Variants in DNAH5 observed in about 807,000 individuals in gnomAD.
The protein encoded by DNAH5 is axonemal beta dynein heavy chain 5.
Under a neutral mutation model 518.2 loss-of-function variants are expected in DNAH5, and 372 were observed. The ratio of observed to expected loss-of-function variants is 0.72; its 90% CI spans 0.66 to 0.78. The LOEUF (loss-of-function observed/expected upper bound fraction) is 0.78, where lower values mean the gene tolerates loss of function less well. Ranked by LOEUF, DNAH5 falls within the 30% of genes least tolerant of loss-of-function variation. The pLI is 0.00. For synonymous variants in DNAH5, 2,039 were observed against 2,025.9 expected, an observed-to-expected ratio of 1.01 and a Z score of -0.17; for missense variants, 5,523 against 5,687.0, an observed-to-expected ratio of 0.97 and a Z score of 0.93.
At chr5:13,892,922 G>A (rs1388035623) in intron 16 of DNAH5, among the ~76,000 whole-genome samples, 1 of 152,014 alleles carries the variant, frequency 6.6e-6, no homozygotes, top group Non-Finnish European at 1.5e-5. Flanking sequence ...AGCATCTCTG[G>A]CTTGATATTC....
chr5:13,872,888 TAAAA>T (rs530243596), intron 22 of DNAH5, among the ~76,000 whole-genome samples: 21 of 146,556 alleles, frequency 1.4e-4, no homozygotes, highest in African/African-American at 5.3e-4. Flanking sequence ...AAGTTAGTGC[TAAAA>T]AAAAAAGTGT....
At chr5:13,732,295 A>G (rs1746695748) in intron 68 of DNAH5, among the ~76,000 whole-genome samples, 1 of 152,092 alleles carries the variant, frequency 6.6e-6, no homozygotes, top group Non-Finnish European at 1.5e-5. Flanking sequence ...GTCTGGTGAG[A>G]GCTCACTTCT....
chr5:13,879,363 C>G (rs563924319), intron 21 of DNAH5, among the ~76,000 whole-genome samples: 2 of 152,174 alleles, frequency 1.3e-5, no homozygotes, highest in East Asian at 3.9e-4. Flanking sequence ...TATCCTAAGT[C>G]AATAATGCAC....
At chr5:13,750,127 C>A (rs889897362) in intron 65 of DNAH5, among the ~76,000 whole-genome samples, 6 of 152,004 alleles carry the variant, frequency 3.9e-5, no homozygotes, top group Admixed American at 6.6e-5. Flanking sequence ...AGGGCTCAGA[C>A]GGGCAAGCAC....
intron 1 of DNAH5, among the ~76,000 whole-genome samples, chr5:13,952,585 A>G (rs563956923): frequency 4.6e-5 from 7 of 152,282 alleles, no homozygotes; most frequent in South Asian, 2.1e-4. Context: ...CTTACCCATG[A>G]CTGTATTTCT....
At chr5:14,000,850 C>T (rs891750536) in intron 1 of DNAH5, among the ~76,000 whole-genome samples, 1 of 152,170 alleles carries the variant, frequency 6.6e-6, no homozygotes, top group African/African-American at 2.4e-5. Flanking sequence ...CTGGTATGTT[C>T]ATTGCAGCAC....
chr5:13,714,610 G>A lies in DNAH5; in HGVS notation c.12920C>T (p.Ala4307Val). Reference protein sequence around the residue: ...NYLQYIQSLPAYDSPEVFGLH... With the variant: ...NYLQYIQSLPVYDSPEVFGLH... The stretch of plus-strand genomic sequence containing the variant: ...CCCAAACACCTCAGGGCTGTCATAG[G>A]CAGGCAAACTCTGAACAACAGACAC... Residue 4307 changes from alanine (A) to valine (V), a missense_variant, in exon 75 of 79, where the codon GCC becomes GTC. Around this residue, in one of 3 missense-constraint regions of DNAH5, gnomAD observed 387 missense variants for 430.0 expected, o/e 0.90. Transcript: ENST00000265104. 6.2e-7 allele frequency: 1 copy of A among 1,613,956 alleles called. No homozygotes were observed. Among genetic ancestry groups the A allele is most frequent in the Non-Finnish European group, 8.5e-7 (1 of 1,179,996 alleles).
At chr5:13,904,512 T>C (rs1430371386) in intron 12 of DNAH5, among the ~76,000 whole-genome samples, 3 of 150,274 alleles carry the variant, frequency 2.0e-5, no homozygotes, top group African/African-American at 7.3e-5. Context: ...TGATTTTATA[T>C]ATATGGATTC....
At chr5:13,731,148 C>T (rs1458562298) in intron 68 of DNAH5, among the ~76,000 whole-genome samples, 1 of 152,182 alleles carries the variant, frequency 6.6e-6, no homozygotes, top group Non-Finnish European at 1.5e-5. Context: ...ATGTACACTA[C>T]TAAATTGTTA....
chr5:13,932,126 AC>A (rs1778489019), intron 1 of DNAH5: 1 of 152,244 alleles, frequency 6.6e-6, no homozygotes, highest in Admixed American at 6.5e-5. Flanking sequence ...CATTTGTTAA[AC>A]CCCTAATATG....
chr5:13,834,110 C>A (rs963460250), intron 35 of DNAH5, among the ~76,000 whole-genome samples: 1 of 152,204 alleles, frequency 6.6e-6, no homozygotes, highest in Admixed American at 6.5e-5. Context: ...TCACTTCCCA[C>A]ATAATCAAGT....
rs754497052 is a variant in DNAH5 at position 13,754,343 on chromosome 5, C to A, written c.10420-5G>T. 1.1e-5 allele frequency: 17 copies of A among 1,613,900 alleles called. No individual in the cohort carries two copies. In the African/African-American group the frequency reaches 2.1e-4, roughly 20 times the overall value. The stretch of plus-strand genomic sequence containing the variant: ...CTCTGCATCTTCAAGCAAGGTCTAA[C>A]AAAGGTCATAATCACAAGAAAGCTT... On this transcript the variant is annotated splice_polypyrimidine_tract_variant and splice_region_variant and intron_variant, in intron 61 of 78. Coordinates refer to ENST00000265104, the MANE Select transcript of DNAH5 (RefSeq NM_001369.3).
At position 13,832,046 on chromosome 5, in the gene DNAH5, G is replaced by A. The variant is rs1580471294; in HGVS notation, c.5883-1271C>T. Among the ~76,000 whole-genome samples, 3 of 152,160 alleles carry A rather than the reference G, an allele frequency of 2.0e-5. No individual in the cohort carries two copies. The South Asian group carries it at 6.2e-4, about 32-fold the overall frequency. On this transcript the variant is annotated intron_variant, in intron 35 of 78. Transcript: ENST00000265104. ...AAGAAAAATAACTAATGGGCACTAG[G>A]CTTGATACCTGGGCAATGAAATAAT...
intron 1 of DNAH5, among the ~76,000 whole-genome samples, chr5:13,989,028 A>T (rs1234020155): frequency 1.3e-5 from 2 of 151,898 alleles, no homozygotes; most frequent in African/African-American, 4.8e-5. Context: ...CACCTGGCCC[A>T]AAAAGTCTTT....
In DNAH5 at chr5:13,840,991, G is replaced by A. The variant is rs141131693; in HGVS notation, c.5624C>T (p.Thr1875Met). ...ELLNTLIDVT[T>M]RDLSSTERVK... is the part of the protein sequence containing the mutation. ...TCGTTCCGTGGAACTCAGATCCCTC[G>A]TGGTGACGTCTATCAATGTATTGAG... is the stretch of plus-strand genomic sequence containing the variant. The change falls in exon 34 of 79, where the codon ACG (threonine) becomes ATG (methionine). Residue 1875 changes from threonine to methionine, a missense_variant. Physicochemically the swap from Thr to Met is moderately conservative, Grantham distance 81. Around this residue, in one of 3 missense-constraint regions of DNAH5, gnomAD observed 5,121 missense variants for 5,223.3 expected, o/e 0.98. Coordinates refer to ENST00000265104, the MANE Select transcript of DNAH5 (RefSeq NM_001369.3). 13 of 1,614,114 alleles carry A rather than the reference G, an allele frequency of 8.1e-6. No individual in the cohort carries two copies. Among genetic ancestry groups the A allele is most frequent in the East Asian group, 2.2e-5 (1 of 44,876 alleles).
rs1752132162 is a variant in DNAH5, at chr5:13,763,930, C to G, written c.10102-1029G>C. Among the ~76,000 whole-genome samples the G allele has an allele frequency of 2.6e-5, 4 of 152,304 alleles. No individual in the cohort carries two copies. In the South Asian group the frequency reaches 8.3e-4, roughly 32 times the overall value. Reference sequence around the variant, plus strand: ...AAGTCCAAGTCTATTGGCAGAGTCTCATATTATAATTATCTGGGACAAGTC... The same window carrying G: ...AAGTCCAAGTCTATTGGCAGAGTCTGATATTATAATTATCTGGGACAAGTC... On this transcript the variant is annotated intron_variant, in intron 59 of 78. Transcript: ENST00000265104.
At chr5:13,698,123 C>T (rs1741611407) in intron 78 of DNAH5, among the ~76,000 whole-genome samples, 1 of 152,226 alleles carries the variant, frequency 6.6e-6, no homozygotes, top group African/African-American at 2.4e-5. Context: ...ATGCTTACTT[C>T]TACCTTCTGT....
At position 13,714,402 on chromosome 5, in the gene DNAH5, C is replaced by T. The variant is rs1414951776; in HGVS notation, c.13125+3G>A. ...ACATTTTGTCAGGATTTCATCAACT[C>T]ACTTCAAAGGGGACATAGTCTGGGG... On this transcript the variant is annotated splice_donor_region_variant and intron_variant, in intron 75 of 78. Coordinates refer to ENST00000265104, the MANE Select transcript of DNAH5 (RefSeq NM_001369.3). 1 of 1,614,104 alleles carries T rather than the reference C, an allele frequency of 6.2e-7. No individual in the cohort carries two copies. Among genetic ancestry groups the T allele is most frequent in the Non-Finnish European group, 8.5e-7 (1 of 1,179,958 alleles).
rs762052067 is a variant in DNAH5, at chr5:13,811,674, G to A, written c.7380C>T (p.Asn2460=). 1.9e-6 allele frequency: 3 copies of A among 1,614,144 alleles called. No homozygotes were observed. The highest frequency in any genetic ancestry group is 2.5e-6 in the Non-Finnish European group (3 of 1,180,006). The part of the protein sequence containing the change: ...LEAFVITQSI[N]MLQGLIPLKE... Reference sequence around the variant, plus strand: ...TCAGAGGAATCAGGCCTTGAAGCATGTTAATGCTCTGTGTGATGACAAAGG... The same window carrying A: ...TCAGAGGAATCAGGCCTTGAAGCATATTAATGCTCTGTGTGATGACAAAGG... The change falls in exon 44 of 79, where the codon AAC becomes AAT. Residue 2460 remains asparagine, a synonymous_variant. Coordinates refer to ENST00000265104, the MANE Select transcript of DNAH5 (RefSeq NM_001369.3).
Sources: allele counts gnomAD v4.1 joint callset (sites outside exome capture counted in the v4.1 genomes callset), GRCh38; gene constraint gnomAD v4.1.1; regional missense constraint gnomAD v4.1.1; transcripts MANE v1.5; gene names NCBI Gene and HGNC (gene_info 2026-07-23, HGNC 2026-07-21).